Variants in ST8SIA4 observed in about 807,000 individuals in gnomAD.
The protein encoded by ST8SIA4 is ST8 alpha-N-acetyl-neuraminide alpha-2,8-sialyltransferase 4, also known as CMP-N-acetylneuraminate-poly-alpha-2,8-sialyltransferase.
In ST8SIA4, 15 loss-of-function variants were observed where a neutral mutation model predicts 33.9. That is an observed-to-expected ratio of 0.44 (90% CI 0.30 to 0.68). The LOEUF (loss-of-function observed/expected upper bound fraction) is 0.68, where lower values mean the gene tolerates loss of function less well. ST8SIA4 is among the 30% of genes least tolerant of loss of function. The pLI is 0.10. For synonymous variants in ST8SIA4, 171 were observed against 151.2 expected, an observed-to-expected ratio of 1.13 and a Z score of -0.96; for missense variants, 321 against 428.0, an observed-to-expected ratio of 0.75 and a Z score of 2.21.
chr5:100,896,646 A>G (rs904757088), intron 1 of ST8SIA4, among the ~76,000 whole-genome samples: 5 of 152,176 alleles, frequency 3.3e-5, no homozygotes, highest in African/African-American at 1.2e-4. Flanking sequence ...TCTTATCATT[A>G]CAAAGTGTAT....
Position 100,856,376 on chromosome 5 carries a change from A to T in ST8SIA4, c.524T>A (p.Val175Glu). ...FVIRCNLAPV[V>E]EFAADVGTKS... ...AGTTCCCACATCTGCAGCAAACTCC[A>T]CCACAGGAGCTAGATTACACCTGAA... Residue 175 changes from valine (V) to glutamate (E), a missense_variant, in exon 4 of 5, where the codon GTG becomes GAG. By Grantham distance (121) the Val-to-Glu change is moderately radical. Transcript: ENST00000231461. The T allele has an allele frequency of 6.2e-7, 1 of 1,613,780 alleles. No individual in the cohort carries two copies. Among genetic ancestry groups the T allele is most frequent in the Non-Finnish European group, 8.5e-7 (1 of 1,179,768 alleles).
At chr5:100,817,313 A>C (rs974018104) in intron 4 of ST8SIA4, among the ~76,000 whole-genome samples, 2 of 151,774 alleles carry the variant, frequency 1.3e-5, no homozygotes, top group Non-Finnish European at 2.9e-5. Context: ...ATATCTGCAC[A>C]TTCTCAACTC....
intron 3 of ST8SIA4, among the ~76,000 whole-genome samples, chr5:100,857,169 G>C (rs1007129283): frequency 6.6e-6 from 1 of 151,960 alleles, no homozygotes. Flanking sequence ...ATGCCGTACT[G>C]TTTTCTCCAC....
chr5:100,834,782 G>A (rs1038747866), intron 4 of ST8SIA4, among the ~76,000 whole-genome samples: 1 of 152,080 alleles, frequency 6.6e-6, no homozygotes, highest in Non-Finnish European at 1.5e-5. Context: ...CACCATGTGA[G>A]AGCCTGTCCC....
At chr5:100,819,390 T>C (rs1401459858) in intron 4 of ST8SIA4, among the ~76,000 whole-genome samples, 1 of 152,238 alleles carries the variant, frequency 6.6e-6, no homozygotes, top group Non-Finnish European at 1.5e-5. Context: ...ATCTTTATTC[T>C]CTATTTTTAT....
intron 3 of ST8SIA4, among the ~76,000 whole-genome samples, chr5:100,880,683 A>C (rs748273350): frequency 2.0e-5 from 3 of 152,194 alleles, no homozygotes; most frequent in Non-Finnish European, 2.9e-5. Context: ...TAATCAAGAG[A>C]TGATGTTGGC....
At chr5:100,849,376 A>G in intron 4 of ST8SIA4, 1 of 985,442 alleles carries the variant, frequency 1.0e-6, no homozygotes. Context: ...ATTTCTGCGT[A>G]ATTCTTCAAA....
At position 100,851,221 on chromosome 5, in the gene ST8SIA4, A is replaced by C. The variant is rs1425021685; in HGVS notation, c.797+4882T>G. On this transcript the variant is annotated intron_variant, in intron 4 of 4. Coordinates refer to ENST00000231461, the MANE Select transcript of ST8SIA4 (RefSeq NM_005668.6). Reference sequence around the variant, plus strand: ...AGTGATCCACCCGCCTCGGCCTCCCAAAGTGATGGGATTACAGGCATAAGC... The same window carrying C: ...AGTGATCCACCCGCCTCGGCCTCCCCAAGTGATGGGATTACAGGCATAAGC... Among the ~76,000 whole-genome samples the C allele has an allele frequency of 2.0e-5, 3 of 151,864 alleles. No homozygotes were observed. The South Asian group carries it at 6.2e-4, about 32-fold the overall frequency.
chr5:100,818,174 T>A (rs1750968304), intron 4 of ST8SIA4, among the ~76,000 whole-genome samples: 1 of 152,222 alleles, frequency 6.6e-6, no homozygotes, highest in Admixed American at 6.5e-5. Flanking sequence ...CTATAACTAT[T>A]TTAATTTTAA....
chr5:100,846,645 T>C (rs751785510), intron 4 of ST8SIA4, among the ~76,000 whole-genome samples: 29 of 151,938 alleles, frequency 1.9e-4, no homozygotes, highest in African/African-American at 5.3e-4. Flanking sequence ...TAAAAAATGA[T>C]CTATGTGAAG....
intron 2 of ST8SIA4, among the ~76,000 whole-genome samples, chr5:100,892,254 G>A (rs903480883): frequency 1.6e-4 from 25 of 152,136 alleles, no homozygotes; most frequent in Non-Finnish European, 2.9e-4. Context: ...ATAATCTCCC[G>A]TACGATGTTC....
chr5:100,829,019 C>T (rs1374244014), intron 4 of ST8SIA4, among the ~76,000 whole-genome samples: 1 of 152,174 alleles, frequency 6.6e-6, no homozygotes, highest in African/African-American at 2.4e-5. Flanking sequence ...CCTATAAAAA[C>T]AGTGTGGGAA....
chr5:100,874,142 T>C (rs2112459942), intron 3 of ST8SIA4, among the ~76,000 whole-genome samples: 1 of 152,288 alleles, frequency 6.6e-6, no homozygotes, highest in East Asian at 1.9e-4. Context: ...TGTTTTCCTT[T>C]ACCTATGGTG....
chr5:100,900,182 G>A, intron 1 of ST8SIA4: 1 of 333,686 alleles, frequency 3.0e-6, no homozygotes, highest in Non-Finnish European at 6.0e-6. Context: ...TGCAAAATTG[G>A]TAGCAGAAAA....
chr5:100,855,320 C>T (rs768135129), intron 4 of ST8SIA4, among the ~76,000 whole-genome samples: 4 of 152,168 alleles, frequency 2.6e-5, no homozygotes, highest in Non-Finnish European at 5.9e-5. Context: ...ACATATTCCC[C>T]TATTAGGCCA....
chr5:100,893,347 C>T (rs1347602286), intron 2 of ST8SIA4, among the ~76,000 whole-genome samples: 1 of 152,098 alleles, frequency 6.6e-6, no homozygotes, highest in Non-Finnish European at 1.5e-5. Flanking sequence ...AATGGTTTTA[C>T]AAATTATCCT....
chr5:100,877,823 A>C (rs781547992), intron 3 of ST8SIA4, among the ~76,000 whole-genome samples: 14 of 152,186 alleles, frequency 9.2e-5, no homozygotes, highest in Non-Finnish European at 7.3e-5. Flanking sequence ...AATTATGGTC[A>C]CACTCTCCAC....
At chr5:100,867,324 T>C (rs1752088441) in intron 3 of ST8SIA4, among the ~76,000 whole-genome samples, 1 of 152,092 alleles carries the variant, frequency 6.6e-6, no homozygotes, top group African/African-American at 2.4e-5. Context: ...TGACACATTC[T>C]TGCCAAAATC....
chr5:100,816,939 CTT>C (rs756462025), intron 4 of ST8SIA4, among the ~76,000 whole-genome samples: 11 of 140,602 alleles, frequency 7.8e-5, no homozygotes, highest in Non-Finnish European at 4.7e-5. Context: ...GGCTTTTTTT[CTT>C]TTTTTTTTTT....
Sources: gnomAD v4.1 joint callset for allele counts (sites outside exome capture counted in the v4.1 genomes callset) on GRCh38, gnomAD v4.1.1 for gene constraint, MANE v1.5 for transcripts, NCBI Gene and HGNC (gene_info 2026-07-23, HGNC 2026-07-21) for gene names.